The following MINDY2 variants were observed in gnomAD, a reference collection of about 807,000 sequenced individuals.
MINDY2 encodes ubiquitin carboxyl-terminal hydrolase MINDY-2.
A neutral mutation model predicts 68.2 loss-of-function variants in MINDY2; 52 were observed. The ratio of observed to expected loss-of-function variants is 0.76; its 90% CI spans 0.61 to 0.96. The LOEUF (loss-of-function observed/expected upper bound fraction) is 0.96. Among genes scored for constraint, MINDY2 ranks in the 40% least tolerant of loss-of-function variants. MINDY2 has a pLI of 0.00. For missense variants in MINDY2, 881 were observed against 773.4 expected (o/e 1.14, Z -1.65); for synonymous variants, 372 against 303.0 (o/e 1.23, Z -2.36).
chr15:58,787,630 G>T (rs757489597), intron 1 of MINDY2, among the ~76,000 whole-genome samples: 2 of 151,538 alleles, frequency 1.3e-5, no homozygotes, highest in African/African-American at 2.4e-5. Context: ...CCAGCTACTC[G>T]GAAGGCTGAG....
chr15:58,853,057 A>G (rs981834247), intron 8 of MINDY2, among the ~76,000 whole-genome samples: 5 of 146,376 alleles, frequency 3.4e-5, no homozygotes, highest in Non-Finnish European at 7.4e-5. Flanking sequence ...GGTTCAAGCA[A>G]TTCTCCTGCC....
At chr15:58,805,994 A>C (rs1902979353) in intron 3 of MINDY2, among the ~76,000 whole-genome samples, 1 of 152,222 alleles carries the variant, frequency 6.6e-6, no homozygotes, top group African/African-American at 2.4e-5. Context: ...GGAACCCTTG[A>C]ACCCAGGAGG....
Position 58,831,880 on chromosome 15 carries a change from T to C in MINDY2, c.1332T>C (p.Phe444=), listed in dbSNP as rs1366527012. The C allele has an allele frequency of 6.2e-7, 1 of 1,613,660 alleles. No homozygotes were observed. ...AGGAAGGAGAACTTTGTGTGTTCTT[T>C]CGGAATAATCATTTTAGCACCATGA... ...TVQEGELCVF[F]RNNHFSTMTK... The change falls in exon 6 of 9, where the codon TTT becomes TTC. Residue 444 remains phenylalanine, a synonymous_variant. Transcript: ENST00000559228.
intron 2 of MINDY2, among the ~76,000 whole-genome samples, chr15:58,801,481 T>G (rs1166953596): frequency 1.4e-5 from 2 of 145,052 alleles, no homozygotes; most frequent in African/African-American, 2.5e-5. Flanking sequence ...ATTTGAAAGA[T>G]AATACGTAGA....
intron 6 of MINDY2, among the ~76,000 whole-genome samples, chr15:58,846,751 C>G (rs952168466): frequency 6.6e-6 from 1 of 151,890 alleles, no homozygotes; most frequent in Admixed American, 6.6e-5. Context: ...TTTGGTGCTA[C>G]GAAACACGTA....
rs1168022206 is a variant in MINDY2, at chr15:58,831,847, A to G, written c.1299A>G (p.Ser433=). The change falls in exon 6 of 9, where the codon TCA becomes TCG. Residue 433 remains serine, a synonymous_variant. Coordinates refer to ENST00000559228, the MANE Select transcript of MINDY2 (RefSeq NM_001040450.3). Reference sequence around the variant, plus strand: ...ACCATGGATTATGTGAACTAACTTCAACGGTTCAGGAAGGAGAACTTTGTG... The same window carrying G: ...ACCATGGATTATGTGAACTAACTTCGACGGTTCAGGAAGGAGAACTTTGTG... The part of the protein sequence containing the change: ...LTYHGLCELT[S]TVQEGELCVF... 1.2e-6 allele frequency: 2 copies of G among 1,613,772 alleles called. No individual in the cohort carries two copies. The highest frequency in any genetic ancestry group is 2.2e-5 in the East Asian group (1 of 44,782).
chr15:58,799,422 C>G (rs1305100743), intron 2 of MINDY2, among the ~76,000 whole-genome samples: 2 of 151,976 alleles, frequency 1.3e-5, no homozygotes, highest in African/African-American at 4.8e-5. Flanking sequence ...AAAAAATTAG[C>G]CAGGCGTGGT....
intron 2 of MINDY2, among the ~76,000 whole-genome samples, chr15:58,798,357 C>A (rs919664682): frequency 6.6e-6 from 1 of 151,044 alleles, no homozygotes; most frequent in Non-Finnish European, 1.5e-5. Flanking sequence ...GAACTCCTGA[C>A]CTCGTGATCC....
At chr15:58,818,919 G>A (rs1160941121) in intron 4 of MINDY2, among the ~76,000 whole-genome samples, 6 of 152,106 alleles carry the variant, frequency 3.9e-5, no homozygotes, top group Non-Finnish European at 7.4e-5. Context: ...GGGATTACAG[G>A]CATGAGCCAC....
intron 6 of MINDY2, among the ~76,000 whole-genome samples, chr15:58,841,694 C>T (rs556964251): frequency 1.2e-4 from 19 of 152,264 alleles, no homozygotes; most frequent in Non-Finnish European, 1.9e-4. Context: ...CGTGAGCCAC[C>T]GCGCCCGGCT....
intron 3 of MINDY2, among the ~76,000 whole-genome samples, chr15:58,804,017 TA>T (rs1902854488): frequency 6.8e-6 from 1 of 146,696 alleles, no homozygotes; most frequent in South Asian, 2.1e-4. Context: ...AAGTCCTAGC[TA>T]CTCTGGAGGC....
chr15:58,815,071 G>C (rs928907850), intron 4 of MINDY2, among the ~76,000 whole-genome samples: 13 of 152,032 alleles, frequency 8.6e-5, no homozygotes, highest in Non-Finnish European at 1.6e-4. Flanking sequence ...GAGTTTTATA[G>C]TTTTAGCACT....
At chr15:58,839,161 T>C (rs1285073735) in intron 6 of MINDY2, among the ~76,000 whole-genome samples, 1 of 152,158 alleles carries the variant, frequency 6.6e-6, no homozygotes, top group African/African-American at 2.4e-5. Context: ...CAGAGTCTTT[T>C]GGAATTCTAG....
chr15:58,828,837 G>A (rs8024172), intron 5 of MINDY2, among the ~76,000 whole-genome samples: 3,818 of 152,066 alleles, frequency 0.025, 178 homozygotes, highest in African/African-American at 0.085. Context: ...TTACAGGCAT[G>A]AGCCACTGCG....
In MINDY2 at chr15:58,854,463, C is replaced by T. The variant is rs2032983664; in HGVS notation, c.1738-19C>T. The T allele has an allele frequency of 6.2e-7, 1 of 1,602,568 alleles. No homozygotes were observed. The highest frequency in any genetic ancestry group is 1.1e-5 in the South Asian group (1 of 89,066). ...TCAGAATAGTTAGAGTAATTTCTTG[C>T]TGTATATTTTTCTTAAAGCAGGGCC... On this transcript the variant is annotated intron_variant, in intron 8 of 8. Coordinates refer to ENST00000559228, the MANE Select transcript of MINDY2 (RefSeq NM_001040450.3).
intron 4 of MINDY2, among the ~76,000 whole-genome samples, chr15:58,814,794 C>CTTTTT (rs34747262): frequency 7.7e-6 from 1 of 129,866 alleles, no homozygotes; most frequent in Non-Finnish European, 1.6e-5. Context: ...TTAATTTTAA[C>CTTTTT]TTTTTTTTTT....
At chr15:58,839,027 G>T (rs1037521118) in intron 6 of MINDY2, among the ~76,000 whole-genome samples, 14 of 151,990 alleles carry the variant, frequency 9.2e-5, no homozygotes, top group African/African-American at 2.9e-4. Context: ...GTCACCTCCA[G>T]TTTCTTTACT....
At chr15:58,834,754 A>G (rs1325531661) in intron 6 of MINDY2, among the ~76,000 whole-genome samples, 2 of 152,154 alleles carry the variant, frequency 1.3e-5, no homozygotes, top group Non-Finnish European at 2.9e-5. Flanking sequence ...ACATCTTCAT[A>G]TTTTCTTCAA....
chr15:58,806,986 T>G (rs1903058911), intron 3 of MINDY2, among the ~76,000 whole-genome samples: 1 of 152,222 alleles, frequency 6.6e-6, no homozygotes, highest in Non-Finnish European at 1.5e-5. Flanking sequence ...TTTAAAACAT[T>G]TGAATGATTT....
Sources: allele counts gnomAD v4.1 joint callset (sites outside exome capture counted in the v4.1 genomes callset), GRCh38; gene constraint gnomAD v4.1.1; transcripts MANE v1.5; gene names NCBI Gene and HGNC (gene_info 2026-07-23, HGNC 2026-07-21).